Variants in KIF6 observed in about 807,000 individuals in gnomAD.
KIF6 encodes kinesin-like protein KIF6.
A neutral mutation model predicts 112.7 loss-of-function variants in KIF6; 106 were observed. The ratio of observed to expected loss-of-function variants is 0.94; its 90% CI spans 0.80 to 1.11. The LOEUF is 1.11. KIF6 is among the 50% of genes least tolerant of loss of function. The pLI is 0.00. For missense variants in KIF6, 929 were observed against 964.0 expected, an observed-to-expected ratio of 0.96 and a Z score of 0.48; for synonymous variants, 339 against 339.9, an observed-to-expected ratio of 1.00 and a Z score of 0.03.
intron 3 of KIF6, among the ~76,000 whole-genome samples, chr6:39,712,242 A>C (rs302586): frequency 0.86 from 130,348 of 151,758 alleles, 56,402 homozygotes; most frequent in East Asian, 0.97. Flanking sequence ...TCTTAAAAAC[A>C]AAATGTCACA....
intron 5 of KIF6, among the ~76,000 whole-genome samples, chr6:39,624,273 G>T (rs1173916451): frequency 6.6e-6 from 1 of 152,128 alleles, no homozygotes; most frequent in Non-Finnish European, 1.5e-5. Flanking sequence ...TCTTTATAAT[G>T]CACTCAAAAG....
chr6:39,545,522 GT>G (rs554815089), intron 11 of KIF6, 60 bp downstream of exon 11: 44 of 1,305,732 alleles, frequency 3.4e-5, no homozygotes, highest in Non-Finnish European at 4.5e-5. Flanking sequence ...AACTAGAAAA[GT>G]TTTTTTGCAG....
At chr6:39,466,799 C>A (rs777160886) in intron 13 of KIF6, among the ~76,000 whole-genome samples, 3 of 152,198 alleles carry the variant, frequency 2.0e-5, no homozygotes, top group Non-Finnish European at 4.4e-5. Context: ...TCCACCCAGG[C>A]CCCTCTTTGT....
chr6:39,481,284 T>G (rs1774782324), intron 13 of KIF6, among the ~76,000 whole-genome samples: 1 of 151,876 alleles, frequency 6.6e-6, no homozygotes, highest in Non-Finnish European at 1.5e-5. Context: ...ATGGAACAGA[T>G]AGGAACTGAA....
At chr6:39,713,404 C>G (rs750631125) in intron 3 of KIF6, among the ~76,000 whole-genome samples, 3 of 152,104 alleles carry the variant, frequency 2.0e-5, no homozygotes, top group Admixed American at 6.5e-5. Context: ...TTGACAAGAA[C>G]AGGGTTTAGG....
At chr6:39,362,396 G>T in intron 17 of KIF6, 38 bp downstream of exon 17, 2 of 1,507,876 alleles carry the variant, frequency 1.3e-6, no homozygotes, top group Non-Finnish European at 1.8e-6. Flanking sequence ...ACCCTGGGAG[G>T]CTGGGCTCGG....
At chr6:39,494,611 C>G (rs1226173177) in intron 13 of KIF6, among the ~76,000 whole-genome samples, 1 of 152,044 alleles carries the variant, frequency 6.6e-6, no homozygotes, top group East Asian at 1.9e-4. Context: ...GAAAGAAATC[C>G]TAATGTTCCG....
intron 3 of KIF6, chr6:39,691,523 T>G (rs1261445844): frequency 6.6e-6 from 1 of 152,198 alleles, no homozygotes. Flanking sequence ...TACATAATTT[T>G]TTATATTATT....
chr6:39,468,995 A>T (rs924712410), intron 13 of KIF6, among the ~76,000 whole-genome samples: 2 of 152,122 alleles, frequency 1.3e-5, no homozygotes, highest in Non-Finnish European at 2.9e-5. Flanking sequence ...ACCAGATTAT[A>T]ACTTGAATAC....
At chr6:39,393,731 T>C (rs1040615814) in intron 15 of KIF6, among the ~76,000 whole-genome samples, 1 of 152,000 alleles carries the variant, frequency 6.6e-6, no homozygotes, top group Non-Finnish European at 1.5e-5. Context: ...CTGGATGTGG[T>C]TGGGAGGAGG....
intron 3 of KIF6, among the ~76,000 whole-genome samples, chr6:39,658,002 G>C (rs535256922): frequency 5.8e-4 from 88 of 152,230 alleles, no homozygotes; most frequent in Non-Finnish European, 1.0e-3. Flanking sequence ...GCAGACTTGT[G>C]CATATACATA....
rs9462546 is a variant in KIF6 at position 39,436,521 on chromosome 6, T to C, written c.1646-5360A>G. 8.6e-4 allele frequency among the ~76,000 whole-genome samples: 131 copies of C among 152,286 alleles called. 1 individual carries two copies. Among genetic ancestry groups the C allele is most frequent in the African/African-American group, 2.9e-3 (121 of 41,556 alleles). On this transcript the variant is annotated intron_variant, in intron 13 of 22. Coordinates refer to ENST00000287152, the MANE Select transcript of KIF6 (RefSeq NM_145027.6). ...TCAAGTCTTAGATTTAAGTCTTTAATCCATCTTGAGTTAATCTTTGTATAT... is the reference window on the plus strand; with the variant it reads ...TCAAGTCTTAGATTTAAGTCTTTAACCCATCTTGAGTTAATCTTTGTATAT...
At chr6:39,679,333 G>A (rs969963251) in intron 3 of KIF6, among the ~76,000 whole-genome samples, 1 of 152,166 alleles carries the variant, frequency 6.6e-6, no homozygotes, top group African/African-American at 2.4e-5. Context: ...GGATGCATTA[G>A]GGCGGTATTA....
chr6:39,421,022 T>C (rs111967120), intron 14 of KIF6, among the ~76,000 whole-genome samples: 231 of 152,306 alleles, frequency 1.5e-3, no homozygotes, highest in African/African-American at 5.2e-3. Context: ...TCCCTATACA[T>C]AGTGGGCCCT....
At chr6:39,622,822 C>T (rs1783901956) in intron 5 of KIF6, among the ~76,000 whole-genome samples, 1 of 152,136 alleles carries the variant, frequency 6.6e-6, no homozygotes, top group Admixed American at 6.6e-5. Flanking sequence ...GGTGAGGCAG[C>T]CATTTTGCAT....
At chr6:39,622,221 C>T (rs1426435185) in intron 5 of KIF6, among the ~76,000 whole-genome samples, 4 of 150,546 alleles carry the variant, frequency 2.7e-5, no homozygotes, top group Admixed American at 2.6e-4. Context: ...GTTTTTTAAC[C>T]GTTATATTGT....
chr6:39,694,590 T>C (rs1243926542), intron 3 of KIF6, among the ~76,000 whole-genome samples: 1 of 151,922 alleles, frequency 6.6e-6, no homozygotes, highest in Admixed American at 6.6e-5. Context: ...ACCAAAAAAA[T>C]ACCTAGCACT....
chr6:39,592,769 C>A lies in KIF6; in HGVS notation c.846+3285G>T, dbSNP rs192212110. Among the ~76,000 whole-genome samples the A allele has an allele frequency of 5.3e-5, 8 of 152,338 alleles. No homozygotes were observed. The East Asian group carries it at 1.5e-3, about 29-fold the overall frequency. On this transcript the variant is annotated intron_variant, in intron 7 of 22. Coordinates refer to ENST00000287152, the MANE Select transcript of KIF6 (RefSeq NM_145027.6). Reference sequence around the variant, plus strand: ...TATACAAGGAGAACTCCAAAACCAACCATACTCTGGCAAAAAGAAAGTTAT... The same window carrying A: ...TATACAAGGAGAACTCCAAAACCAAACATACTCTGGCAAAAAGAAAGTTAT...
intron 18 of KIF6, among the ~76,000 whole-genome samples, chr6:39,357,604 A>G (rs1281439867): frequency 1.3e-5 from 2 of 152,052 alleles, no homozygotes; most frequent in East Asian, 1.9e-4. Flanking sequence ...ACCCGCCATC[A>G]TGCCCGGCAA....
Sources: allele counts gnomAD v4.1 joint callset (sites outside exome capture counted in the v4.1 genomes callset), GRCh38; gene constraint gnomAD v4.1.1; transcripts MANE v1.5; gene names NCBI Gene and HGNC (gene_info 2026-07-23, HGNC 2026-07-21).